ZBTB16: variants seen among roughly 807,000 people sequenced by gnomAD.
The protein encoded by ZBTB16 is zinc finger and BTB domain-containing protein 16.
A neutral mutation model predicts 56.8 loss-of-function variants in ZBTB16; 8 were observed. That is an observed-to-expected ratio of 0.14 (90% CI 0.08 to 0.25). The LOEUF (loss-of-function observed/expected upper bound fraction) is 0.25. Ranked by LOEUF, ZBTB16 falls within the 10% of genes least tolerant of loss-of-function variation. The pLI, the probability that ZBTB16 is intolerant of heterozygous loss-of-function variation, is 1.00. For missense variants in ZBTB16, 625 were observed against 903.0 expected (o/e 0.69, Z 3.95); for synonymous variants, 363 against 368.5 (o/e 0.98, Z 0.17).
intron 4 of ZBTB16, among the ~76,000 whole-genome samples, chr11:114,224,591 T>C (rs940461323): frequency 1.3e-5 from 2 of 152,066 alleles, no homozygotes; most frequent in African/African-American, 2.4e-5. Flanking sequence ...TAAATGATCA[T>C]TGAAGCCCTT....
intron 2 of ZBTB16, among the ~76,000 whole-genome samples, chr11:114,095,480 A>T (rs1163626498): frequency 1.3e-5 from 2 of 151,944 alleles, no homozygotes; most frequent in South Asian, 2.1e-4. Context: ...CAGGATGGTC[A>T]CAATCTCCTG....
At chr11:114,073,287 G>A (rs1200795685) in intron 2 of ZBTB16, among the ~76,000 whole-genome samples, 1 of 152,118 alleles carries the variant, frequency 6.6e-6, no homozygotes, top group Non-Finnish European at 1.5e-5. Flanking sequence ...AACACAGAGA[G>A]ATCAGCTTCT....
chr11:114,250,570 C>T lies in ZBTB16; in HGVS notation c.*15C>T, dbSNP rs3088357. ...GCTATGTGTGAAGGGAGGCCCGCGG[C>T]GGTGGAGCCGAGCGGGGAGCCAGGA... On this transcript the variant is annotated 3_prime_UTR_variant, in exon 7 of 7. Transcript: ENST00000335953. This position sits in a 1 kb window ranked among gnomAD's most constrained non-coding sequence, Gnocchi z 6.0. 15,516 of 1,612,166 alleles carry T rather than the reference C, an allele frequency of 9.6e-3. 93 individuals carry two copies. Among genetic ancestry groups the T allele is most frequent in the Non-Finnish European group, 0.012 (13,619 of 1,179,150 alleles).
intron 2 of ZBTB16, among the ~76,000 whole-genome samples, chr11:114,088,516 A>G (rs1940051590): frequency 6.6e-6 from 1 of 152,048 alleles, no homozygotes; most frequent in Non-Finnish European, 1.5e-5. Flanking sequence ...AGGACCTGGA[A>G]TCCTATTCAG....
chr11:114,183,687 A>G (rs1281853108), intron 3 of ZBTB16, among the ~76,000 whole-genome samples: 1 of 152,222 alleles, frequency 6.6e-6, no homozygotes, highest in African/African-American at 2.4e-5. Flanking sequence ...TTCCTTACAG[A>G]TCCACAGAAA....
rs983581780 is a variant in ZBTB16, at chr11:114,156,442, A to G, written c.1366+8A>G. On this transcript the variant is annotated splice_region_variant and intron_variant, in intron 3 of 6. Transcript: ENST00000335953. ...ACTTACTGGCTCATTCAGGTAGGCA[A>G]GTTCGCCTTAGTGGCCCGTTCAGAT... 3 of 1,613,794 alleles carry G rather than the reference A, an allele frequency of 1.9e-6. No homozygotes were observed. The highest frequency in any genetic ancestry group is 2.5e-6 in the Non-Finnish European group (3 of 1,179,660).
chr11:114,249,457 CAAAAAAAAAAAAAA>C (rs57092004), intron 6 of ZBTB16, among the ~76,000 whole-genome samples: 1 of 24,198 alleles, frequency 4.1e-5, no homozygotes, highest in Admixed American at 7.4e-4. Context: ...GACTCCATCT[CAAAAAAAAAAAAAA>C]AAAAAAAAAA....
chr11:114,246,461 G>GATCAC (rs151327217), intron 5 of ZBTB16, among the ~76,000 whole-genome samples: 17,266 of 152,034 alleles, frequency 0.11, 1,042 homozygotes, highest in Middle Eastern at 0.16. Flanking sequence ...CATCTGATGC[G>GATCAC]ATCACATCAC....
chr11:114,218,109 C>G (rs994968139), intron 4 of ZBTB16, among the ~76,000 whole-genome samples: 4 of 84,368 alleles, frequency 4.7e-5, no homozygotes, highest in African/African-American at 1.3e-4. Flanking sequence ...CAGATCCACC[C>G]TCTTGCTTCC....
At chr11:114,111,433 A>C (rs1707271587) in intron 2 of ZBTB16, among the ~76,000 whole-genome samples, 2 of 152,148 alleles carry the variant, frequency 1.3e-5, no homozygotes, top group African/African-American at 4.8e-5. Flanking sequence ...AAACCAATAG[A>C]GAGAAAGAGA....
chr11:114,092,546 C>T (rs2137729837), intron 2 of ZBTB16, among the ~76,000 whole-genome samples: 1 of 152,334 alleles, frequency 6.6e-6, no homozygotes, highest in East Asian at 1.9e-4. Context: ...GCTCCCCCTC[C>T]TTTTCTCTCC....
At chr11:114,083,925 G>A (rs558620276) in intron 2 of ZBTB16, among the ~76,000 whole-genome samples, 2 of 152,142 alleles carry the variant, frequency 1.3e-5, no homozygotes, top group Middle Eastern at 6.8e-3. Context: ...CCCTCTCTCA[G>A]ATACTTCCAG....
rs1373454947 is a variant in ZBTB16, at chr11:114,130,290, G to A, written c.1269-26047G>A. Among the ~76,000 whole-genome samples, 3 of 152,158 alleles carry A rather than the reference G, an allele frequency of 2.0e-5. No individual in the cohort carries two copies. In the East Asian group the frequency reaches 5.8e-4, roughly 29 times the overall value. On this transcript the variant is annotated intron_variant, in intron 2 of 6. Transcript: ENST00000335953. ...GGACTCCGCCAGCTGCATTGTCTTT[G>A]GAGAGAGCTGAAAAACTCTCAAGGC...
chr11:114,102,749 GA>G (rs1940658198), intron 2 of ZBTB16, among the ~76,000 whole-genome samples: 1 of 152,154 alleles, frequency 6.6e-6, no homozygotes, highest in Non-Finnish European at 1.5e-5. Flanking sequence ...TGGGTGCCTG[GA>G]GAATTTTATA....
chr11:114,089,724 C>T (rs1177771025), intron 2 of ZBTB16, among the ~76,000 whole-genome samples: 1 of 152,202 alleles, frequency 6.6e-6, no homozygotes, highest in African/African-American at 2.4e-5. Context: ...CATCTTTTTG[C>T]ATCTGAGTTA....
chr11:114,123,281 C>T (rs1941395618), intron 2 of ZBTB16, among the ~76,000 whole-genome samples: 2 of 152,144 alleles, frequency 1.3e-5, no homozygotes, highest in Non-Finnish European at 2.9e-5. Context: ...CTGGGATCCA[C>T]TCTTGGGCCT....
intron 3 of ZBTB16, among the ~76,000 whole-genome samples, chr11:114,179,670 C>A (rs1054389704): frequency 5.3e-5 from 8 of 151,974 alleles, no homozygotes; most frequent in African/African-American, 1.9e-4. Flanking sequence ...TTTCTCCCTT[C>A]TTATTATTAG....
At chr11:114,067,251 G>C (rs1392613968) in intron 2 of ZBTB16, among the ~76,000 whole-genome samples, 1 of 152,164 alleles carries the variant, frequency 6.6e-6, no homozygotes, top group Non-Finnish European at 1.5e-5. Flanking sequence ...CTGAGTTCTA[G>C]TGTGTAGTGT....
At chr11:114,222,908 T>A (rs114435607) in intron 4 of ZBTB16, among the ~76,000 whole-genome samples, 2 of 152,076 alleles carry the variant, frequency 1.3e-5, no homozygotes, top group African/African-American at 4.8e-5. Flanking sequence ...GGGCTCAGAC[T>A]CTGAGGTCAG....
Sources: allele counts gnomAD v4.1 joint callset (sites outside exome capture counted in the v4.1 genomes callset), GRCh38; gene constraint gnomAD v4.1.1; non-coding constraint Gnocchi (gnomAD v3.1); transcripts MANE v1.5; gene names NCBI Gene and HGNC (gene_info 2026-07-23, HGNC 2026-07-21).